Variants in MAK16 observed in about 807,000 individuals in gnomAD.
MAK16 encodes the protein protein MAK16 homolog.
Under a neutral mutation model 49.9 loss-of-function variants are expected in MAK16, and 12 were observed. The observed-to-expected ratio is 0.24, with a 90% CI of 0.15 to 0.39. MAK16 has a LOEUF of 0.39. Among genes scored for constraint, MAK16 ranks in the 10% least tolerant of loss-of-function variants. The probability of loss-of-function intolerance (pLI) is 1.00; values close to 1 mark genes in which losing one functional copy is unlikely to be tolerated. For missense variants in MAK16, 292 were observed against 363.7 expected (o/e 0.80, Z 1.60); for synonymous variants, 115 against 126.4 (o/e 0.91, Z 0.60).
In MAK16 at chr8:33,489,808, T is replaced by C. The variant is rs535467913; in HGVS notation, c.393-477T>C. Among the ~76,000 whole-genome samples, 2 of 152,300 alleles carry C rather than the reference T, an allele frequency of 1.3e-5. No individual in the cohort carries two copies. Among genetic ancestry groups the C allele is most frequent in the Admixed American group, 1.3e-4 (2 of 15,286 alleles). On this transcript the variant is annotated intron_variant, in intron 5 of 9. Coordinates refer to ENST00000360128, the MANE Select transcript of MAK16 (RefSeq NM_032509.4). The surrounding 1 kb of genome is among the most constrained non-coding windows in gnomAD (Gnocchi z 4.2). ...ACTGAAAACTAATTTTTAAAAGTGA[T>C]ATGAAATCCCCAGAATTAACAGAAT...
In MAK16 at chr8:33,489,793, A is replaced by G. The variant is rs377194503; in HGVS notation, c.393-492A>G. 1.4e-4 allele frequency among the ~76,000 whole-genome samples: 21 copies of G among 152,274 alleles called. No homozygotes were observed. The South Asian group carries it at 3.9e-3, about 29-fold the overall frequency. On this transcript the variant is annotated intron_variant, in intron 5 of 9. Coordinates refer to ENST00000360128, the MANE Select transcript of MAK16 (RefSeq NM_032509.4). The surrounding 1 kb of genome is among the most constrained non-coding windows in gnomAD (Gnocchi z 4.2). ...CTTTACTCTGGATTCACTGAAAACTAATTTTTAAAAGTGATATGAAATCCC... is the reference window on the plus strand; with the variant it reads ...CTTTACTCTGGATTCACTGAAAACTGATTTTTAAAAGTGATATGAAATCCC...
intron 6 of MAK16, among the ~76,000 whole-genome samples, chr8:33,491,888 C>T (rs1228504683): frequency 2.0e-5 from 3 of 152,148 alleles, no homozygotes; most frequent in African/African-American, 7.2e-5. Context: ...ACCACTTCAG[C>T]CTCCCAAAGT....
chr8:33,487,952 G>A (rs1808713676), intron 1 of MAK16, among the ~76,000 whole-genome samples: 1 of 151,860 alleles, frequency 6.6e-6, no homozygotes, highest in Non-Finnish European at 1.5e-5. Flanking sequence ...TTTTGAGACG[G>A]AGTTTCACTC....
At chr8:33,498,393 G>A (rs1386357075) in intron 9 of MAK16, 39 bp from the exon 10 acceptor site, 1 of 1,590,228 alleles carries the variant, frequency 6.3e-7, no homozygotes, top group African/African-American at 1.3e-5. Context: ...GAAATCTAGT[G>A]TTTTCCCTCT....
chr8:33,496,560 G>A, intron 7 of MAK16, 65 bp from the exon 8 acceptor site: 1 of 1,214,868 alleles, frequency 8.2e-7, no homozygotes, highest in Non-Finnish European at 1.2e-6. Flanking sequence ...ATTCTCCACA[G>A]AAAGTGGAAC....
chr8:33,499,149 C>T lies in MAK16; in HGVS notation c.*520C>T. ...AATTGGGATGGGAAGAAAATCCTTT[C>T]CTCTTGGGAAAGTAATACAAGTCTT... is the stretch of plus-strand genomic sequence containing the variant. On this transcript the variant is annotated 3_prime_UTR_variant, in exon 10 of 10. Transcript: ENST00000360128. 1.3e-6 allele frequency: 2 copies of T among 1,578,678 alleles called. No individual in the cohort carries two copies. The highest frequency in any genetic ancestry group is 1.7e-6 in the Non-Finnish European group (2 of 1,147,804).
chr8:33,486,555 T>C (rs28727385), intron 1 of MAK16, among the ~76,000 whole-genome samples: 7,830 of 152,228 alleles, frequency 0.051, 339 homozygotes, highest in African/African-American at 0.12. Context: ...ATCTCTAAAG[T>C]AAATAAATTT....
In MAK16 at chr8:33,498,937, T is replaced by C; in HGVS notation, c.*308T>C. 1 of 581,964 alleles carries C rather than the reference T, an allele frequency of 1.7e-6. No homozygotes were observed. The highest frequency in any genetic ancestry group is 3.0e-6 in the Non-Finnish European group (1 of 330,658). The allele number at this position is 581,964 out of a possible 1,614,324, so 36.1% of individuals were successfully genotyped here. A position where few individuals can be genotyped will look rare whatever the true frequency, so the allele number is the denominator to read the frequency against. On this transcript the variant is annotated 3_prime_UTR_variant, in exon 10 of 10. Transcript: ENST00000360128. Reference sequence around the variant, plus strand: ...GATGTAAATATTTCTAAATTTTAAATGCTACATTACTTGGTGTCCTTTTTT... The same window carrying C: ...GATGTAAATATTTCTAAATTTTAAACGCTACATTACTTGGTGTCCTTTTTT...
Position 33,490,282 on chromosome 8 carries a change from T to C in MAK16, c.393-3T>C. ...ATTTTCTGATATATTTTCTTTCCCT[T>C]AGGAGGAAACTTGTTCCTTTGAGTA... is the stretch of plus-strand genomic sequence containing the variant. On this transcript the variant is annotated splice_polypyrimidine_tract_variant and splice_region_variant and intron_variant, in intron 5 of 9. Transcript: ENST00000360128. The C allele has an allele frequency of 1.2e-6, 2 of 1,611,344 alleles. No homozygotes were observed. The highest frequency in any genetic ancestry group is 1.7e-6 in the Non-Finnish European group (2 of 1,177,720).
Position 33,500,245 on chromosome 8 carries a change from C to T in MAK16, c.*1616C>T, listed in dbSNP as rs527301027. On this transcript the variant is annotated 3_prime_UTR_variant, in exon 10 of 10. Coordinates refer to ENST00000360128, the MANE Select transcript of MAK16 (RefSeq NM_032509.4). ...GTTCATTTCCAGACTTGGTCAGGCA[C>T]ATACATAGTAAATTATAATCAATCA... 1.3e-6 allele frequency: 2 copies of T among 1,539,616 alleles called. No individual in the cohort carries two copies. Among genetic ancestry groups the T allele is most frequent in the African/African-American group, 2.7e-5 (2 of 73,444 alleles).
In MAK16 at chr8:33,488,522, C is replaced by T. The variant is rs1370332334; in HGVS notation, c.68C>T (p.Thr23Ile). 1 of 1,614,098 alleles carries T rather than the reference C, an allele frequency of 6.2e-7. No individual in the cohort carries two copies. The highest frequency in any genetic ancestry group is 2.2e-5 in the East Asian group (1 of 44,882). The change falls in exon 3 of 10, where the codon ACC becomes ATC. Residue 23 changes from threonine (T) to isoleucine (I), a missense_variant and splice_region_variant. Coordinates refer to ENST00000360128, the MANE Select transcript of MAK16 (RefSeq NM_032509.4). Reference protein sequence around the residue: ...NKQFCSFKIRTKTQSFCRNEY... With the variant: ...NKQFCSFKIRIKTQSFCRNEY... ...TTGTTTCTTTTCTCCCATTCTAGAACCAAGACTCAGAGCTTCTGCCGAAAT... is the reference window on the plus strand; with the variant it reads ...TTGTTTCTTTTCTCCCATTCTAGAATCAAGACTCAGAGCTTCTGCCGAAAT...
chr8:33,499,305 A>ATTT lies in MAK16; in HGVS notation c.*677_*678insTTT. ...GAAACATGAAACCAAACAGGCTTTGATATTTTTTTTTTTTTAATTACTTTC... is the reference window on the plus strand; with the variant it reads ...GAAACATGAAACCAAACAGGCTTTGATTTTATTTTTTTTTTTTTAATTACTTTC... On this transcript the variant is annotated 3_prime_UTR_variant, in exon 10 of 10. Coordinates refer to ENST00000360128, the MANE Select transcript of MAK16 (RefSeq NM_032509.4). The ATTT allele has an allele frequency of 6.7e-7, 1 of 1,501,084 alleles. No individual in the cohort carries two copies. The highest frequency in any genetic ancestry group is 1.4e-5 in the African/African-American group (1 of 72,302). 93.0% of individuals were successfully genotyped at this position (1,501,084 alleles called of 1,614,324 possible). A position where few individuals can be genotyped will look rare whatever the true frequency, so the allele number is the denominator to read the frequency against.
In MAK16 at chr8:33,489,230, A is replaced by G. The variant is rs1808739934; in HGVS notation, c.392+91A>G. 6 of 1,209,296 alleles carry G rather than the reference A, an allele frequency of 5.0e-6. No homozygotes were observed. In the South Asian group the frequency reaches 7.2e-5, roughly 14 times the overall value. 74.9% of individuals were successfully genotyped at this position (1,209,296 alleles called of 1,614,324 possible). A position where few individuals can be genotyped will look rare whatever the true frequency, so the allele number is the denominator to read the frequency against. Reference sequence around the variant, plus strand: ...AAATTGTGAAACTTCGGGGCTTTCTATTCAACTTTGTGGAGTCTGTTATGA... The same window carrying G: ...AAATTGTGAAACTTCGGGGCTTTCTGTTCAACTTTGTGGAGTCTGTTATGA... On this transcript the variant is annotated intron_variant, in intron 5 of 9. Transcript: ENST00000360128. The surrounding 1 kb of genome is among the most constrained non-coding windows in gnomAD (Gnocchi z 4.2).
chr8:33,499,112 T>C lies in MAK16; in HGVS notation c.*483T>C. ...AAAATATCTTTTTTTCTTAAATAAC[T>C]CCATTCATACAAATTGGGATGGGAA... On this transcript the variant is annotated 3_prime_UTR_variant, in exon 10 of 10. Coordinates refer to ENST00000360128, the MANE Select transcript of MAK16 (RefSeq NM_032509.4). 1 of 1,324,724 alleles carries C rather than the reference T, an allele frequency of 7.5e-7. No individual in the cohort carries two copies. The highest frequency in any genetic ancestry group is 1.2e-5 in the South Asian group (1 of 84,402). 82.1% of individuals were successfully genotyped at this position (1,324,724 alleles called of 1,614,324 possible).
chr8:33,496,570 C>T, intron 7 of MAK16, 55 bp from the exon 8 acceptor site: 4 of 1,348,076 alleles, frequency 3.0e-6, no homozygotes, highest in Non-Finnish European at 4.2e-6. Flanking sequence ...GAAAGTGGAA[C>T]TTCAAGTGTA....
In MAK16 at chr8:33,499,084, G is replaced by T; in HGVS notation, c.*455G>T. 2 of 1,139,606 alleles carry T rather than the reference G, an allele frequency of 1.8e-6. No homozygotes were observed. The highest frequency in any genetic ancestry group is 2.6e-6 in the Non-Finnish European group (2 of 763,816). 70.6% of individuals were successfully genotyped at this position (1,139,606 alleles called of 1,614,324 possible). A position where few individuals can be genotyped will look rare whatever the true frequency, so the allele number is the denominator to read the frequency against. On this transcript the variant is annotated 3_prime_UTR_variant, in exon 10 of 10. Transcript: ENST00000360128. Reference sequence around the variant, plus strand: ...GCAGCTTTCACTTACAAAGTTTCGTGTAAAAATATCTTTTTTTCTTAAATA... The same window carrying T: ...GCAGCTTTCACTTACAAAGTTTCGTTTAAAAATATCTTTTTTTCTTAAATA...
At position 33,499,395 on chromosome 8, in the gene MAK16, G is replaced by C; in HGVS notation, c.*766G>C. 1.1e-5 allele frequency: 8 copies of C among 754,502 alleles called. No homozygotes were observed. The East Asian group carries it at 1.6e-4, about 15-fold the overall frequency. The allele number at this position is 754,502 out of a possible 1,614,324, so 46.7% of individuals were successfully genotyped here. A position where few individuals can be genotyped will look rare whatever the true frequency, so the allele number is the denominator to read the frequency against. On this transcript the variant is annotated 3_prime_UTR_variant, in exon 10 of 10. Coordinates refer to ENST00000360128, the MANE Select transcript of MAK16 (RefSeq NM_032509.4). ...AGGAGGAAAGAATGGATGACACTTA[G>C]GGACAGGTCACTAAGCAGAATAGGT...
chr8:33,488,926 A>T, intron 4 of MAK16, 62 bp from the exon 5 acceptor site: 2 of 1,605,032 alleles, frequency 1.2e-6, no homozygotes, highest in Non-Finnish European at 1.7e-6. Flanking sequence ...GGTGTCACTG[A>T]CAGTGAAAAC....
At chr8:33,495,092 A>G (rs1173477372) in intron 6 of MAK16, among the ~76,000 whole-genome samples, 1 of 152,250 alleles carries the variant, frequency 6.6e-6, no homozygotes, top group Non-Finnish European at 1.5e-5. Flanking sequence ...GTCATGTGTC[A>G]TCTCCAATGA....
Sources: allele counts gnomAD v4.1 joint callset (sites outside exome capture counted in the v4.1 genomes callset), GRCh38; gene constraint gnomAD v4.1.1; non-coding constraint Gnocchi (gnomAD v3.1); transcripts MANE v1.5; gene names NCBI Gene and HGNC (gene_info 2026-07-23, HGNC 2026-07-21).